SLC47A2: variants seen among roughly 807,000 people sequenced by gnomAD.
SLC47A2 encodes the protein solute carrier family 47 member 2.
SLC47A2 carries 52 observed loss-of-function variants against 67.7 expected under a neutral mutation model. That is an observed-to-expected ratio of 0.77 (90% confidence interval 0.61 to 0.97). SLC47A2 has a LOEUF of 0.97. Among genes scored for constraint, SLC47A2 ranks in the 50% least tolerant of loss-of-function variants. The pLI is 0.00. For missense variants in SLC47A2, 676 were observed against 712.3 expected (o/e 0.95, Z 0.58); for synonymous variants, 278 against 292.9 (o/e 0.95, Z 0.52).
intron 13 of SLC47A2, among the ~76,000 whole-genome samples, chr17:19,692,491 A>G (rs2085564841): frequency 6.6e-6 from 1 of 152,244 alleles, no homozygotes; most frequent in Non-Finnish European, 1.5e-5. Context: ...TAACTTAACA[A>G]GAAATAGGAA....
At chr17:19,686,826 T>C (rs181295499) in intron 13 of SLC47A2, among the ~76,000 whole-genome samples, 17 of 152,206 alleles carry the variant, frequency 1.1e-4, no homozygotes, top group African/African-American at 4.1e-4. Flanking sequence ...AAGAGAGAAA[T>C]ATATTTCAAT....
At chr17:19,706,111 C>A (rs752995483) in intron 9 of SLC47A2, among the ~76,000 whole-genome samples, 5 of 152,162 alleles carry the variant, frequency 3.3e-5, no homozygotes. Flanking sequence ...TTGGCCCTCC[C>A]ACTGATTTTC....
At chr17:19,686,630 C>T (rs2085435498) in intron 13 of SLC47A2, among the ~76,000 whole-genome samples, 1 of 152,138 alleles carries the variant, frequency 6.6e-6, no homozygotes, top group African/African-American at 2.4e-5. Context: ...CAAATTGAAA[C>T]CAAAAGTGAT....
chr17:19,714,601 C>T (rs2086198819), intron 3 of SLC47A2, 120 bp downstream of exon 3: 5 of 1,164,736 alleles, frequency 4.3e-6, no homozygotes, highest in Non-Finnish European at 3.8e-6. Context: ...GCAGCTGACC[C>T]CAGGGCCCAT....
At chr17:19,679,276 T>A (rs1440915675) in intron 16 of SLC47A2, among the ~76,000 whole-genome samples, 1 of 152,194 alleles carries the variant, frequency 6.6e-6, no homozygotes, top group African/African-American at 2.4e-5. Context: ...GAGTTTTAGC[T>A]GGCTCACTAC....
At chr17:19,704,940 CT>C (rs2085890918) in intron 10 of SLC47A2, 2 of 417,432 alleles carry the variant, frequency 4.8e-6, no homozygotes, top group South Asian at 9.6e-5. Flanking sequence ...ATTCTTCTGC[CT>C]CAGCCTCCCA....
intron 13 of SLC47A2, among the ~76,000 whole-genome samples, chr17:19,684,992 CG>C (rs751644490): frequency 2.6e-5 from 4 of 152,236 alleles, no homozygotes; most frequent in Non-Finnish European, 4.4e-5. Context: ...ATTCCAGGCA[CG>C]CGCTGCCACT....
chr17:19,688,202 G>A (rs1413875461), intron 13 of SLC47A2, among the ~76,000 whole-genome samples: 2 of 152,082 alleles, frequency 1.3e-5, no homozygotes, highest in Admixed American at 6.5e-5. Context: ...TATAAGGATG[G>A]TTCATCATAT....
Position 19,678,894 on chromosome 17 carries a change from C to A in SLC47A2, c.1493G>T (p.Ser498Ile). 6.4e-7 allele frequency: 1 copy of A among 1,573,896 alleles called. No homozygotes were observed. Among genetic ancestry groups the A allele is most frequent in the South Asian group, 1.1e-5 (1 of 87,200 alleles). Residue 498 changes from serine to isoleucine, a missense_variant, in exon 17 of 17, where the codon AGT (serine) becomes ATT (isoleucine). By Grantham distance (142) the Ser-to-Ile change is moderately radical. Transcript: ENST00000433844. ...KAVLSSVATG[S>I]SPGITLTTYS... is the part of the protein sequence containing the mutation. ...CGTTGTCAAGGTAATGCCAGGGGAACTGCCTGTAGCCACTGCGGAAGCAAA... is the reference window on the plus strand; with the variant it reads ...CGTTGTCAAGGTAATGCCAGGGGAAATGCCTGTAGCCACTGCGGAAGCAAA...
At position 19,714,780 on chromosome 17, in the gene SLC47A2, C is replaced by G; in HGVS notation, c.235G>C (p.Val79Leu). 6.2e-7 allele frequency: 1 copy of G among 1,614,126 alleles called. No homozygotes were observed. ...CCAACTCCTACAGAAACTCCGCAGACATTGACAAACTGGCGCCACACACAG... is the reference window on the plus strand; with the variant it reads ...CCAACTCCTACAGAAACTCCGCAGAGATTGACAAACTGGCGCCACACACAG... The part of the protein sequence containing the change: ...SVTLAVAFVN[V>L]CGVSVGVGLS... Residue 79 changes from valine to leucine, a missense_variant, in exon 3 of 17, where the codon GTC becomes CTC. Physicochemically the swap from Val to Leu is conservative, Grantham distance 32. Transcript: ENST00000433844.
At position 19,713,410 on chromosome 17, in the gene SLC47A2, A is replaced by ATC. The variant is rs1567637550; in HGVS notation, c.443+414_443+415insGA. On this transcript the variant is annotated intron_variant, in intron 4 of 16. Coordinates refer to ENST00000433844, the MANE Select transcript of SLC47A2 (RefSeq NM_001099646.3). ...CTCAAGTAATAATAATAATAATAAT[A>ATC]ATAATCATCATCATCATCATCATCT... Among the ~76,000 whole-genome samples, 479 of 147,628 alleles carry ATC rather than the reference A, an allele frequency of 3.2e-3. 3 individuals carry two copies. Among genetic ancestry groups the ATC allele is most frequent in the African/African-American group, 0.011 (418 of 39,050 alleles).
chr17:19,706,863 C>T, intron 8 of SLC47A2, 102 bp from the exon 9 acceptor site: 1 of 823,644 alleles, frequency 1.2e-6, no homozygotes, highest in South Asian at 1.7e-5. Context: ...GCTCTTCCTG[C>T]TCTGGGGCTT....
intron 3 of SLC47A2, 85 bp from the exon 4 acceptor site, chr17:19,714,058 G>A (rs1832894594): frequency 3.3e-6 from 5 of 1,514,406 alleles, no homozygotes; most frequent in Non-Finnish European, 3.5e-6. Flanking sequence ...TGTCAGCGGC[G>A]CCAGCGGTGT....
rs561673700 is a variant in SLC47A2, at chr17:19,715,991, G to T, written c.123+442C>A. The T allele has an allele frequency of 1.9e-3, 304 of 159,964 alleles. 1 individual carries two copies. Among genetic ancestry groups the T allele is most frequent in the African/African-American group, 6.9e-3 (289 of 41,650 alleles). 9.9% of individuals were successfully genotyped at this position (159,964 alleles called of 1,614,324 possible). ...CAAAGTGCTGAGATAACAGGCGTGA[G>T]GCAGCACGCCCAGCCTATTCCTCTT... On this transcript the variant is annotated intron_variant, in intron 1 of 16. Transcript: ENST00000433844.
intron 13 of SLC47A2, among the ~76,000 whole-genome samples, chr17:19,695,511 A>C (rs978440426): frequency 8.7e-5 from 11 of 126,970 alleles, no homozygotes; most frequent in African/African-American, 2.0e-4. Flanking sequence ...AAAAAAAAAA[A>C]CAGCAAAAAA....
At chr17:19,715,270 A>G in intron 1 of SLC47A2, 53 bp from the exon 2 acceptor site, 1 of 1,531,988 alleles carries the variant, frequency 6.5e-7, no homozygotes, top group East Asian at 2.3e-5. Context: ...CACACAGCCG[A>G]GCCCTGCAAG....
intron 3 of SLC47A2, 111 bp downstream of exon 3, chr17:19,714,610 A>G: frequency 7.7e-7 from 1 of 1,304,276 alleles, no homozygotes; most frequent in Non-Finnish European, 1.1e-6. Flanking sequence ...CCCAGGGCCC[A>G]TTGCTCCCAG....
At chr17:19,697,787 A>G (rs2085697567) in intron 13 of SLC47A2, among the ~76,000 whole-genome samples, 1 of 148,982 alleles carries the variant, frequency 6.7e-6, no homozygotes, top group South Asian at 2.1e-4. Context: ...TAGAGATGGT[A>G]TCTTGCCATG....
chr17:19,706,544 G>A, intron 9 of SLC47A2, 104 bp downstream of exon 9: 13 of 929,970 alleles, frequency 1.4e-5, no homozygotes, highest in Non-Finnish European at 2.1e-5. Context: ...TGCCATCCTG[G>A]GGAGGGGGCT....
Sources: allele counts gnomAD v4.1 joint callset (sites outside exome capture counted in the v4.1 genomes callset), GRCh38; gene constraint gnomAD v4.1.1; transcripts MANE v1.5; gene names NCBI Gene and HGNC (gene_info 2026-07-23, HGNC 2026-07-21).